STK39: variants seen among roughly 807,000 people sequenced by gnomAD.
STK39 encodes the protein STE20/SPS1-related proline-alanine-rich protein kinase.
In STK39, 20 loss-of-function variants were observed where a neutral mutation model predicts 77.8. The ratio of observed to expected loss-of-function variants is 0.26; its 90% confidence interval spans 0.18 to 0.37. STK39 has a LOEUF of 0.37. Ranked by LOEUF, STK39 falls within the 10% of genes least tolerant of loss-of-function variation. The pLI is 1.00. For missense variants in STK39, 479 were observed against 656.5 expected (o/e 0.73, Z 2.95); for synonymous variants, 246 against 234.1 (o/e 1.05, Z -0.47).
At chr2:168,169,249 G>A (rs1032779244) in intron 2 of STK39, among the ~76,000 whole-genome samples, 4 of 152,082 alleles carry the variant, frequency 2.6e-5, no homozygotes, top group African/African-American at 9.7e-5. Flanking sequence ...ACTTCTGAAG[G>A]AGAAATGGAA....
chr2:168,190,104 A>G (rs920338737), intron 1 of STK39, among the ~76,000 whole-genome samples: 1 of 152,140 alleles, frequency 6.6e-6, no homozygotes, highest in Non-Finnish European at 1.5e-5. Flanking sequence ...ATGCTTGTGG[A>G]GCGGTCTCCT....
At chr2:168,163,232 A>G (rs187803269) in intron 4 of STK39, among the ~76,000 whole-genome samples, 22 of 152,290 alleles carry the variant, frequency 1.4e-4, no homozygotes, top group African/African-American at 5.3e-4. Flanking sequence ...TTATGTCACA[A>G]AAGAAGATGA....
At chr2:168,176,620 C>G (rs1688962416) in intron 2 of STK39, among the ~76,000 whole-genome samples, 1 of 152,104 alleles carries the variant, frequency 6.6e-6, no homozygotes. Context: ...TGGCTTTGTT[C>G]TGAGGAAAAA....
In STK39 at chr2:168,223,667, C is replaced by T. The variant is rs116196402; in HGVS notation, c.208+23561G>A. Among the ~76,000 whole-genome samples, 255 of 152,206 alleles carry T rather than the reference C, an allele frequency of 1.7e-3. 3 individuals are homozygous for T. The highest frequency in any genetic ancestry group is 5.5e-3 in the African/African-American group (229 of 41,502). ...CCAAGACTAGGTTCAGATCCAGCTG[C>T]GTGACCTTCAACTGACTGTGATCAT... On this transcript the variant is annotated intron_variant, in intron 1 of 17. Transcript: ENST00000355999.
At chr2:168,035,260 A>G (rs1684922445) in intron 14 of STK39, among the ~76,000 whole-genome samples, 1 of 152,252 alleles carries the variant, frequency 6.6e-6, no homozygotes, top group African/African-American at 2.4e-5. Flanking sequence ...ATTTCACTTC[A>G]GCACCTGACA....
chr2:167,967,668 TA>T (rs1692195476), intron 16 of STK39, among the ~76,000 whole-genome samples: 1 of 152,162 alleles, frequency 6.6e-6, no homozygotes, highest in Non-Finnish European at 1.5e-5. Context: ...AAGATCATCC[TA>T]GGGGTAATCC....
At chr2:168,053,053 A>T (rs1685437477) in intron 14 of STK39, among the ~76,000 whole-genome samples, 1 of 152,238 alleles carries the variant, frequency 6.6e-6, no homozygotes. Flanking sequence ...GGCTTCTCAA[A>T]GTCTAAGAGC....
chr2:168,246,375 A>G (rs1690898861), intron 1 of STK39, among the ~76,000 whole-genome samples: 1 of 152,262 alleles, frequency 6.6e-6, no homozygotes. Flanking sequence ...CAGGTATTTA[A>G]AAATGTAAGA....
At chr2:168,049,976 G>A (rs1198411779) in intron 14 of STK39, among the ~76,000 whole-genome samples, 1 of 152,202 alleles carries the variant, frequency 6.6e-6, no homozygotes, top group Non-Finnish European at 1.5e-5. Context: ...AGATTTCATA[G>A]GAAGGCACAC....
At chr2:167,999,226 C>T (rs1254334962) in intron 16 of STK39, among the ~76,000 whole-genome samples, 1 of 152,212 alleles carries the variant, frequency 6.6e-6, no homozygotes, top group East Asian at 1.9e-4. Context: ...GAGGGGCTTC[C>T]CCTGCTCTTG....
intron 16 of STK39, among the ~76,000 whole-genome samples, chr2:167,976,719 C>T (rs949204128): frequency 1.3e-5 from 2 of 152,072 alleles, no homozygotes; most frequent in Non-Finnish European, 2.9e-5. Context: ...TTATCTCTGC[C>T]CCAACCAATC....
chr2:168,102,100 T>C (rs967821367), intron 10 of STK39, among the ~76,000 whole-genome samples: 1 of 151,664 alleles, frequency 6.6e-6, no homozygotes, highest in Non-Finnish European at 1.5e-5. Flanking sequence ...TGGGCTACTA[T>C]GGATAATACT....
Position 168,030,114 on chromosome 2 carries a change from G to A in STK39, c.1377-13019C>T, listed in dbSNP as rs188412394. On this transcript the variant is annotated intron_variant, in intron 14 of 17. Coordinates refer to ENST00000355999, the MANE Select transcript of STK39 (RefSeq NM_013233.3). ...AAATTAGCCAGGTGTGGTGGCGGGCGCCGGTAGTCCAGCTACTCGGAAGGC... is the reference window on the plus strand; with the variant it reads ...AAATTAGCCAGGTGTGGTGGCGGGCACCGGTAGTCCAGCTACTCGGAAGGC... Among the ~76,000 whole-genome samples the A allele has an allele frequency of 3.6e-3, 553 of 152,250 alleles. 1 individual carries two copies. Among genetic ancestry groups the A allele is most frequent in the East Asian group, 0.019 (97 of 5,176 alleles).
At position 168,161,953 on chromosome 2, in the gene STK39, A is replaced by G. The variant is rs998628446; in HGVS notation, c.573-111T>C. 4.2e-5 allele frequency: 29 copies of G among 686,210 alleles called. No homozygotes were observed. The African/African-American group carries it at 5.1e-4, about 12-fold the overall frequency. 42.5% of individuals were successfully genotyped at this position (686,210 alleles called of 1,614,324 possible). On this transcript the variant is annotated intron_variant, in intron 4 of 17. Transcript: ENST00000355999. ...ATACAACGCAGCTCTTTGACATAAT[A>G]ATTTCATAAATATTAAGATAATAGC...
intron 16 of STK39, among the ~76,000 whole-genome samples, chr2:167,990,624 C>A (rs1403389456): frequency 2.0e-5 from 3 of 152,178 alleles, no homozygotes; most frequent in Non-Finnish European, 4.4e-5. Flanking sequence ...CTGAACAGTG[C>A]AAATGCAGAA....
In STK39 at chr2:168,089,339, G is replaced by C. The variant is rs148312474; in HGVS notation, c.1090-14108C>G. ...AGTTACACTGTCAGTCAAAACAGAA[G>C]TATCTAAAAATTAAAAACATACTTC... On this transcript the variant is annotated intron_variant, in intron 10 of 17. Coordinates refer to ENST00000355999, the MANE Select transcript of STK39 (RefSeq NM_013233.3). Among the ~76,000 whole-genome samples, 799 of 152,210 alleles carry C rather than the reference G, an allele frequency of 5.2e-3. 4 individuals are homozygous for C. Among genetic ancestry groups the C allele is most frequent in the African/African-American group, 0.018 (757 of 41,530 alleles).
chr2:168,244,685 C>T (rs1690854247), intron 1 of STK39, among the ~76,000 whole-genome samples: 1 of 152,216 alleles, frequency 6.6e-6, no homozygotes, highest in African/African-American at 2.4e-5. Context: ...ACATTAAGCC[C>T]TTGCGAAAAA....
chr2:168,068,719 CA>C (rs1685861391), intron 12 of STK39, among the ~76,000 whole-genome samples: 1 of 152,150 alleles, frequency 6.6e-6, no homozygotes, highest in African/African-American at 2.4e-5. Flanking sequence ...AACAACTGCT[CA>C]AAAGGGCAGT....
At chr2:167,958,299 T>G (rs1279473635) in intron 17 of STK39, among the ~76,000 whole-genome samples, 1 of 152,188 alleles carries the variant, frequency 6.6e-6, no homozygotes, top group East Asian at 1.9e-4. Context: ...GTCAAGATAT[T>G]GAAGTAATAA....
Sources: allele counts gnomAD v4.1 joint callset (sites outside exome capture counted in the v4.1 genomes callset), GRCh38; gene constraint gnomAD v4.1.1; transcripts MANE v1.5; gene names NCBI Gene and HGNC (gene_info 2026-07-23, HGNC 2026-07-21).